CADM2: variants seen among roughly 807,000 people sequenced by gnomAD.
The protein encoded by CADM2 is cell adhesion molecule 2, also known as immunoglobulin superfamily member 4D.
A neutral mutation model predicts 49.8 loss-of-function variants in CADM2; 12 were observed. The ratio of observed to expected loss-of-function variants is 0.24; its 90% CI spans 0.15 to 0.39. CADM2 has a LOEUF of 0.39. Among genes scored for constraint, CADM2 ranks in the 10% least tolerant of loss-of-function variants. CADM2 has a pLI of 1.00. For synonymous variants in CADM2, 214 were observed against 175.4 expected (o/e 1.22, Z -1.74); for missense variants, 378 against 492.3 (o/e 0.77, Z 2.20).
chr3:85,987,481 C>A (rs899492666), intron 8 of CADM2, among the ~76,000 whole-genome samples: 4 of 150,580 alleles, frequency 2.7e-5, no homozygotes, highest in Non-Finnish European at 4.4e-5. Context: ...TTAATATAAT[C>A]TAACAGTATA....
intron 1 of CADM2, among the ~76,000 whole-genome samples, chr3:85,297,361 G>A (rs186533693): frequency 1.3e-5 from 2 of 152,060 alleles, no homozygotes; most frequent in Non-Finnish European, 2.9e-5. Flanking sequence ...GGCTGGTATG[G>A]TTATCTAAGC....
At chr3:85,818,569 T>C (rs75538024) in intron 3 of CADM2, among the ~76,000 whole-genome samples, 5,716 of 152,296 alleles carry the variant, frequency 0.038, 204 homozygotes, top group East Asian at 0.12. Context: ...TAGTGTTTTG[T>C]AACTTCTTTA....
Position 84,959,231 on chromosome 3 carries a change from C to T in CADM2, c.-377C>T, listed in dbSNP as rs1414080850. 3 of 359,824 alleles carry T rather than the reference C, an allele frequency of 8.3e-6. No individual in the cohort carries two copies. The highest frequency in any genetic ancestry group is 1.0e-5 in the Non-Finnish European group (2 of 194,310). The allele number at this position is 359,824 out of a possible 1,614,324, so 22.3% of individuals were successfully genotyped here. A position where few individuals can be genotyped will look rare whatever the true frequency, so the allele number is the denominator to read the frequency against. On this transcript the variant is annotated 5_prime_UTR_variant, in exon 1 of 10. Coordinates refer to ENST00000383699, the MANE Select transcript of CADM2 (RefSeq NM_001167675.2). ...CCTACCCACTCCTTGCAGCCCTCGCCCGCACCTTCTCCAACACCCCGGCAT... is the reference window on the plus strand; with the variant it reads ...CCTACCCACTCCTTGCAGCCCTCGCTCGCACCTTCTCCAACACCCCGGCAT...
chr3:85,341,947 C>T (rs886750166), intron 1 of CADM2, among the ~76,000 whole-genome samples: 1 of 152,100 alleles, frequency 6.6e-6, no homozygotes, highest in African/African-American at 2.4e-5. Flanking sequence ...CAGGACATTG[C>T]ATGGGCAAAG....
chr3:85,511,160 A>G (rs1359578802), intron 1 of CADM2, among the ~76,000 whole-genome samples: 1 of 152,088 alleles, frequency 6.6e-6, no homozygotes, highest in Non-Finnish European at 1.5e-5. Flanking sequence ...GAAGGGACCA[A>G]TATGCCCTAT....
chr3:85,694,770 C>T (rs950025668), intron 1 of CADM2, among the ~76,000 whole-genome samples: 2 of 151,940 alleles, frequency 1.3e-5, no homozygotes, highest in Admixed American at 6.6e-5. Context: ...AGTGCTTAAT[C>T]GTTTCCATAG....
chr3:85,031,974 A>G (rs1355595122), intron 1 of CADM2, among the ~76,000 whole-genome samples: 1 of 151,936 alleles, frequency 6.6e-6, no homozygotes, highest in African/African-American at 2.4e-5. Flanking sequence ...ACTGTATCTC[A>G]TGTCTTGATA....
intron 7 of CADM2, among the ~76,000 whole-genome samples, chr3:85,938,272 A>G (rs1453350275): frequency 6.6e-6 from 1 of 152,084 alleles, no homozygotes; most frequent in Non-Finnish European, 1.5e-5. Flanking sequence ...ACAAGACAAG[A>G]CTGAAATAAT....
chr3:85,094,173 C>G (rs1365146823), intron 1 of CADM2, among the ~76,000 whole-genome samples: 1 of 152,024 alleles, frequency 6.6e-6, no homozygotes, highest in East Asian at 1.9e-4. Context: ...TTTGTATTTT[C>G]TCTCTCAGTT....
chr3:85,367,641 G>A (rs1444377238), intron 1 of CADM2, among the ~76,000 whole-genome samples: 1 of 151,800 alleles, frequency 6.6e-6, no homozygotes, highest in Non-Finnish European at 1.5e-5. Flanking sequence ...ATAATATGAA[G>A]TGCTTCCCGT....
At chr3:85,125,752 T>A (rs2039013557) in intron 1 of CADM2, among the ~76,000 whole-genome samples, 1 of 152,224 alleles carries the variant, frequency 6.6e-6, no homozygotes, top group Non-Finnish European at 1.5e-5. Flanking sequence ...TTCATAACTG[T>A]AGCATCCTGG....
chr3:85,557,312 C>T (rs4856274), intron 1 of CADM2, among the ~76,000 whole-genome samples: 1 of 151,522 alleles, frequency 6.6e-6, no homozygotes, highest in Non-Finnish European at 1.5e-5. Flanking sequence ...TGCTACTTGT[C>T]AATATGAAAG....
chr3:85,198,940 T>A (rs536001801), intron 1 of CADM2, among the ~76,000 whole-genome samples: 1 of 152,012 alleles, frequency 6.6e-6, no homozygotes, highest in African/African-American at 2.4e-5. Flanking sequence ...CAAGTTCATT[T>A]ATTTCTCCAT....
At chr3:85,635,349 A>T (rs2064437930) in intron 1 of CADM2, among the ~76,000 whole-genome samples, 2 of 152,240 alleles carry the variant, frequency 1.3e-5, no homozygotes, top group Admixed American at 6.5e-5. Context: ...CCACATGGTA[A>T]AATTATTTCT....
chr3:85,945,550 T>C (rs1722560203), intron 7 of CADM2, among the ~76,000 whole-genome samples: 1 of 152,024 alleles, frequency 6.6e-6, no homozygotes, highest in South Asian at 2.1e-4. Context: ...GCAAACCAAA[T>C]CCAGCAGCAC....
At chr3:85,149,591 G>A (rs546229723) in intron 1 of CADM2, among the ~76,000 whole-genome samples, 61 of 152,226 alleles carry the variant, frequency 4.0e-4, no homozygotes, top group Non-Finnish European at 7.5e-4. Context: ...TAAAAAATTA[G>A]CCAGGCATGG....
intron 1 of CADM2, among the ~76,000 whole-genome samples, chr3:85,648,909 C>CT (rs1419800579): frequency 2.0e-5 from 3 of 151,650 alleles, no homozygotes; most frequent in Admixed American, 6.6e-5. Flanking sequence ...AATACTTCTC[C>CT]TTTTTTTTCC....
At chr3:85,597,759 TA>T (rs2063286065) in intron 1 of CADM2, among the ~76,000 whole-genome samples, 1 of 152,074 alleles carries the variant, frequency 6.6e-6, no homozygotes, top group Non-Finnish European at 1.5e-5. Flanking sequence ...ACAAAACATT[TA>T]AAAGCAGCAA....
At chr3:85,003,845 T>C (rs1324239877) in intron 1 of CADM2, among the ~76,000 whole-genome samples, 2 of 152,150 alleles carry the variant, frequency 1.3e-5, no homozygotes, top group Non-Finnish European at 2.9e-5. Context: ...TTACTTAACT[T>C]ATGGCCTTGA....
Sources: allele counts gnomAD v4.1 joint callset (sites outside exome capture counted in the v4.1 genomes callset), GRCh38; gene constraint gnomAD v4.1.1; transcripts MANE v1.5; gene names NCBI Gene and HGNC (gene_info 2026-07-23, HGNC 2026-07-21).